SDCCAG8: variants seen among roughly 807,000 people sequenced by gnomAD.
SDCCAG8 encodes serologically defined colon cancer antigen 8.
A neutral mutation model predicts 101.8 loss-of-function variants in SDCCAG8; 74 were observed. That is an observed-to-expected ratio of 0.73 (90% CI 0.60 to 0.88). The LOEUF (loss-of-function observed/expected upper bound fraction) is 0.88. Among genes scored for constraint, SDCCAG8 ranks in the 40% least tolerant of loss-of-function variants. The pLI is 0.00. For synonymous variants in SDCCAG8, 281 were observed against 292.9 expected (o/e 0.96, Z 0.41); for missense variants, 787 against 822.6 (o/e 0.96, Z 0.53).
chr1:243,329,028 C>A (rs1048959325), intron 9 of SDCCAG8, among the ~76,000 whole-genome samples: 4 of 152,188 alleles, frequency 2.6e-5, no homozygotes, highest in Non-Finnish European at 5.9e-5. Flanking sequence ...GAGTTATGAA[C>A]ATTTACTCAA....
intron 17 of SDCCAG8, among the ~76,000 whole-genome samples, chr1:243,491,327 CT>C (rs1240707197): frequency 1.3e-5 from 2 of 152,218 alleles, no homozygotes; most frequent in African/African-American, 4.8e-5. Flanking sequence ...TTTCTTTCTT[CT>C]TTTGCCTGAA....
At chr1:243,407,334 T>C (rs1172239175) in intron 13 of SDCCAG8, among the ~76,000 whole-genome samples, 1 of 152,198 alleles carries the variant, frequency 6.6e-6, no homozygotes, top group African/African-American at 2.4e-5. Flanking sequence ...ATTCCCGAGT[T>C]TGAGACACTT....
At chr1:243,473,946 GA>G in intron 16 of SDCCAG8, among the ~76,000 whole-genome samples, 1 of 124,420 alleles carries the variant, frequency 8.0e-6, no homozygotes, top group Non-Finnish European at 1.7e-5. Context: ...GGGGCCGGGG[GA>G]GTACTTCTTT....
At chr1:243,265,586 G>C (rs1203360989) in intron 1 of SDCCAG8, among the ~76,000 whole-genome samples, 1 of 152,206 alleles carries the variant, frequency 6.6e-6, no homozygotes, top group Non-Finnish European at 1.5e-5. Context: ...GCCAAGGTGG[G>C]TGGATCACCT....
intron 13 of SDCCAG8, among the ~76,000 whole-genome samples, chr1:243,390,922 A>G (rs2078661285): frequency 6.6e-6 from 1 of 152,226 alleles, no homozygotes; most frequent in Non-Finnish European, 1.5e-5. Context: ...CATCACCTTG[A>G]TGTTTAATTT....
intron 17 of SDCCAG8, among the ~76,000 whole-genome samples, chr1:243,492,390 C>G (rs368085550): frequency 6.6e-6 from 1 of 150,418 alleles, no homozygotes. Flanking sequence ...CAACCTCCGC[C>G]TCCCGGCTTC....
intron 12 of SDCCAG8, among the ~76,000 whole-genome samples, chr1:243,374,639 G>A (rs1558376243): frequency 6.6e-6 from 1 of 152,068 alleles, no homozygotes; most frequent in Non-Finnish European, 1.5e-5. Context: ...TTTCAGGCAG[G>A]CGAATACTCG....
At chr1:243,282,790 CCTTG>C (rs1202376804) in intron 4 of SDCCAG8, among the ~76,000 whole-genome samples, 4 of 152,060 alleles carry the variant, frequency 2.6e-5, no homozygotes, top group African/African-American at 9.7e-5. Flanking sequence ...TAATTCTTAT[CCTTG>C]CTTCTTTGTA....
chr1:243,265,813 CAA>C (rs1044991242), intron 1 of SDCCAG8, among the ~76,000 whole-genome samples: 3 of 107,726 alleles, frequency 2.8e-5, no homozygotes, highest in Admixed American at 9.7e-5. Context: ...ACTTCGTCTC[CAA>C]AAAAAAAAAA....
At chr1:243,439,402 T>A (rs1307756224) in intron 16 of SDCCAG8, among the ~76,000 whole-genome samples, 1 of 152,048 alleles carries the variant, frequency 6.6e-6, no homozygotes, top group Non-Finnish European at 1.5e-5. Context: ...GGCAGGTGGA[T>A]CACCTGAGGT....
At position 243,282,361 on chromosome 1, in the gene SDCCAG8, T is replaced by C. The variant is rs2069135612; in HGVS notation, c.421-3911T>C. Reference sequence around the variant, plus strand: ...AATTCCCAAGCCCTCTCTCATCCTTTATAACATTTCTGCCATTAACTTCAG... The same window carrying C: ...AATTCCCAAGCCCTCTCTCATCCTTCATAACATTTCTGCCATTAACTTCAG... On this transcript the variant is annotated intron_variant, in intron 4 of 17. Coordinates refer to ENST00000366541, the MANE Select transcript of SDCCAG8 (RefSeq NM_006642.5). Among the ~76,000 whole-genome samples the C allele has an allele frequency of 2.0e-5, 3 of 152,320 alleles. No individual in the cohort carries two copies. The East Asian group carries it at 5.8e-4, about 29-fold the overall frequency.
At chr1:243,492,295 C>T (rs1448724522) in intron 17 of SDCCAG8, among the ~76,000 whole-genome samples, 20 of 63,128 alleles carry the variant, frequency 3.2e-4, no homozygotes, top group African/African-American at 4.0e-4. Flanking sequence ...CGTTTCTTGG[C>T]TTTTTTTTTT....
chr1:243,332,816 A>C (rs1008551220), intron 10 of SDCCAG8, among the ~76,000 whole-genome samples: 3 of 148,940 alleles, frequency 2.0e-5, no homozygotes, highest in Non-Finnish European at 4.5e-5. Flanking sequence ...ATCGTAGTCC[A>C]GGTCTGGAGG....
At chr1:243,487,090 C>T (rs530223756) in intron 16 of SDCCAG8, among the ~76,000 whole-genome samples, 1 of 152,338 alleles carries the variant, frequency 6.6e-6, no homozygotes, top group East Asian at 1.9e-4. Flanking sequence ...AGGAAAAGAG[C>T]TGTTACCATC....
In SDCCAG8 at chr1:243,451,357, A is replaced by T. The variant is rs1199126023; in HGVS notation, c.1985+24799A>T. On this transcript the variant is annotated intron_variant, in intron 16 of 17. Transcript: ENST00000366541. ...AGAAACAACATAACAATCTCCATTA[A>T]TACTTAGTTCTCCCCTCCATAATCC... 3.3e-5 allele frequency among the ~76,000 whole-genome samples: 5 copies of T among 152,216 alleles called. No individual in the cohort carries two copies. The South Asian group carries it at 6.2e-4, about 19-fold the overall frequency.
intron 13 of SDCCAG8, among the ~76,000 whole-genome samples, chr1:243,388,698 C>CA (rs11296139): frequency 0.1 from 13,948 of 134,170 alleles, 777 homozygotes; most frequent in South Asian, 0.15. Flanking sequence ...CCAGCTCTAC[C>CA]AAAAAAAAAA....
chr1:243,329,272 A>G (rs2074421061), intron 9 of SDCCAG8, among the ~76,000 whole-genome samples: 1 of 152,214 alleles, frequency 6.6e-6, no homozygotes, highest in Non-Finnish European at 1.5e-5. Flanking sequence ...TTAATCTGAG[A>G]CAACTGAATT....
intron 12 of SDCCAG8, among the ~76,000 whole-genome samples, chr1:243,372,672 T>C (rs1343181458): frequency 1.3e-5 from 2 of 151,838 alleles, no homozygotes; most frequent in African/African-American, 4.8e-5. Flanking sequence ...ATCAATTTTA[T>C]AGATTGAAGC....
chr1:243,392,479 G>A (rs2078761090), intron 13 of SDCCAG8, among the ~76,000 whole-genome samples: 2 of 152,204 alleles, frequency 1.3e-5, no homozygotes, highest in Admixed American at 1.3e-4. Context: ...AGTGATGGCA[G>A]TTCTCTATTC....
Sources: gnomAD v4.1 joint callset for allele counts (sites outside exome capture counted in the v4.1 genomes callset) on GRCh38, gnomAD v4.1.1 for gene constraint, MANE v1.5 for transcripts, NCBI Gene and HGNC (gene_info 2026-07-23, HGNC 2026-07-21) for gene names.